The following C19orf38 variants were observed in gnomAD, a reference collection of about 807,000 sequenced individuals.
C19orf38 encodes chromosome 19 open reading frame 38, also known as protein HIDE1.
Under a neutral mutation model 26.6 loss-of-function variants are expected in C19orf38, and 14 were observed. That is an observed-to-expected ratio of 0.53 (90% CI 0.35 to 0.82). The LOEUF is 0.82. Among genes scored for constraint, C19orf38 ranks in the 40% least tolerant of loss-of-function variants. The pLI, the probability that C19orf38 is intolerant of heterozygous loss-of-function variation, is 0.01. For synonymous variants in C19orf38, 132 were observed against 128.5 expected (o/e 1.03, Z -0.18); for missense variants, 261 against 299.5 (o/e 0.87, Z 0.95).
intron 6 of C19orf38, among the ~76,000 whole-genome samples, chr19:10,865,716 CCATT>C (rs2073745050): frequency 6.6e-6 from 1 of 152,184 alleles, no homozygotes; most frequent in Non-Finnish European, 1.5e-5. Context: ...GCCTCTTCAT[CCATT>C]GGTATTCCTT....
intron 2 of C19orf38, among the ~76,000 whole-genome samples, chr19:10,852,911 A>G (rs2146256488): frequency 6.6e-6 from 1 of 151,964 alleles, no homozygotes; most frequent in South Asian, 2.1e-4. Flanking sequence ...CTGTGTTACC[A>G]TCAGTCAGAA....
chr19:10,838,860 A>T (rs1022920864), intron 1 of C19orf38, among the ~76,000 whole-genome samples: 2 of 151,734 alleles, frequency 1.3e-5, no homozygotes, highest in Non-Finnish European at 2.9e-5. Context: ...ATCTTTTATT[A>T]TGCAGCCGGG....
chr19:10,859,891 A>T, intron 4 of C19orf38, 24 bp from the exon 5 acceptor site: 1 of 1,550,640 alleles, frequency 6.4e-7, no homozygotes, highest in South Asian at 1.2e-5. Context: ...GATCCCTGTC[A>T]CTTTCTCCTG....
intron 3 of C19orf38, among the ~76,000 whole-genome samples, chr19:10,857,485 C>T (rs1376382793): frequency 6.7e-6 from 1 of 148,198 alleles, no homozygotes; most frequent in Non-Finnish European, 1.5e-5. Flanking sequence ...ACAATCTCGA[C>T]TCAGTGCAAC....
rs1269452522 is a variant in C19orf38 at position 10,869,600 on chromosome 19, A to G, written c.*233A>G. Reference sequence around the variant, plus strand: ...CCCTCTCGACCTTCGGCTCCTCAGGACCACCAGAGAAGGAGATGTCAGGAC... The same window carrying G: ...CCCTCTCGACCTTCGGCTCCTCAGGGCCACCAGAGAAGGAGATGTCAGGAC... On this transcript the variant is annotated 3_prime_UTR_variant, in exon 7 of 7. Coordinates refer to ENST00000397820, the MANE Select transcript of C19orf38 (RefSeq NM_001136482.3). 4 of 551,758 alleles carry G rather than the reference A, an allele frequency of 7.2e-6. No homozygotes were observed. The highest frequency in any genetic ancestry group is 2.9e-5 in the South Asian group (1 of 34,128). 34.2% of individuals were successfully genotyped at this position (551,758 alleles called of 1,614,324 possible). A position where few individuals can be genotyped will look rare whatever the true frequency, so the allele number is the denominator to read the frequency against.
chr19:10,859,362 ATATATATATATATATATATATATTT>A (rs1568337574), intron 4 of C19orf38, among the ~76,000 whole-genome samples: 1 of 37,674 alleles, frequency 2.7e-5, no homozygotes, highest in Admixed American at 2.7e-4. Context: ...ATATATATAT[ATATATATATATATATATATATATTT>A]TTTTTTTTTT....
chr19:10,842,373 G>A, intron 1 of C19orf38: 1 of 534,206 alleles, frequency 1.9e-6, no homozygotes, highest in Non-Finnish European at 3.4e-6. Flanking sequence ...CCATTCTCCT[G>A]CCTCAGCCTC....
chr19:10,836,942 T>C (rs2073436473), intron 1 of C19orf38, among the ~76,000 whole-genome samples: 2 of 152,104 alleles, frequency 1.3e-5, no homozygotes, highest in Non-Finnish European at 2.9e-5. Flanking sequence ...AATAGAGCCA[T>C]TACAGTAGCC....
In C19orf38 at chr19:10,869,472, C is replaced by T; in HGVS notation, c.*105C>T. On this transcript the variant is annotated 3_prime_UTR_variant, in exon 7 of 7. Transcript: ENST00000397820. ...TCAGCCACTTTCTCAGGGAATTGGA[C>T]AGAGGAAAGGAAGGGGAACCCTGGC... The T allele has an allele frequency of 1.4e-6, 2 of 1,387,474 alleles. No homozygotes were observed. Among genetic ancestry groups the T allele is most frequent in the Non-Finnish European group, 1.9e-6 (2 of 1,050,568 alleles). 85.9% of individuals were successfully genotyped at this position (1,387,474 alleles called of 1,614,324 possible). A position where few individuals can be genotyped will look rare whatever the true frequency, so the allele number is the denominator to read the frequency against.
At chr19:10,853,564 G>T (rs1344486765) in intron 2 of C19orf38, among the ~76,000 whole-genome samples, 1 of 151,022 alleles carries the variant, frequency 6.6e-6, no homozygotes, top group Non-Finnish European at 1.5e-5. Context: ...GGAATTACAG[G>T]CGTGAGCCAC....
chr19:10,840,108 G>A (rs2073468234), intron 1 of C19orf38, among the ~76,000 whole-genome samples: 1 of 152,162 alleles, frequency 6.6e-6, no homozygotes, highest in East Asian at 1.9e-4. Flanking sequence ...CTGTTAACAT[G>A]TATGTATGTG....
intron 6 of C19orf38, among the ~76,000 whole-genome samples, chr19:10,864,072 T>C (rs974470015): frequency 7.2e-5 from 11 of 152,092 alleles, no homozygotes; most frequent in African/African-American, 2.7e-4. Flanking sequence ...GGGATTTGTT[T>C]TTTTTCAAGA....
chr19:10,862,189 C>T (rs961988994), intron 5 of C19orf38, among the ~76,000 whole-genome samples: 19 of 150,422 alleles, frequency 1.3e-4, no homozygotes, highest in African/African-American at 3.9e-4. Context: ...CATGAGCCAC[C>T]GCGCCCAGCC....
rs1164758390 is a variant in C19orf38, at chr19:10,869,441, G to T, written c.*74G>T. 6.9e-7 allele frequency: 1 copy of T among 1,446,946 alleles called. No individual in the cohort carries two copies. Among genetic ancestry groups the T allele is most frequent in the Non-Finnish European group, 9.2e-7 (1 of 1,092,590 alleles). 89.6% of individuals were successfully genotyped at this position (1,446,946 alleles called of 1,614,324 possible). On this transcript the variant is annotated 3_prime_UTR_variant, in exon 7 of 7. Transcript: ENST00000397820. ...GGTCCCTCCAGCTACTTCTGGGGGG[G>T]CTCTGTCAGCCACTTTCTCAGGGAA...
chr19:10,844,268 G>A (rs1453543775), upstream of C19orf38, among the ~76,000 whole-genome samples: 1 of 151,236 alleles, frequency 6.6e-6, no homozygotes, highest in African/African-American at 2.4e-5. Flanking sequence ...AGCCAGGCAT[G>A]GTGGCACACG....
Position 10,859,975 on chromosome 19 carries a change from T to A in C19orf38, c.505+17T>A, listed in dbSNP as rs1568337970. On this transcript the variant is annotated intron_variant, in intron 5 of 6. Transcript: ENST00000397820. ...ACAGCACAGGTCTGTGCCTCCACAC[T>A]CCTGACTCCAGTGGGGAAAGGATTA... 6.5e-7 allele frequency: 1 copy of A among 1,548,914 alleles called. No homozygotes were observed. Among genetic ancestry groups the A allele is most frequent in the Admixed American group, 2.0e-5 (1 of 50,976 alleles).
At chr19:10,856,535 G>C (rs1316331135) in intron 3 of C19orf38, among the ~76,000 whole-genome samples, 178 bp downstream of exon 3, 1 of 151,958 alleles carries the variant, frequency 6.6e-6, no homozygotes, top group Non-Finnish European at 1.5e-5. Flanking sequence ...ACAGAGGCTC[G>C]CTCTGTCGCC....
intron 6 of C19orf38, among the ~76,000 whole-genome samples, chr19:10,864,438 C>G (rs965268510): frequency 1.3e-5 from 2 of 152,074 alleles, no homozygotes; most frequent in Non-Finnish European, 1.5e-5. Flanking sequence ...GCTGAGGACA[C>G]ATTTTTGGCA....
Position 10,869,755 on chromosome 19 carries a change from G to C in C19orf38, c.*388G>C, listed in dbSNP as rs1056528756. 1 of 196,070 alleles carries C rather than the reference G, an allele frequency of 5.1e-6. No individual in the cohort carries two copies. Among genetic ancestry groups the C allele is most frequent in the Non-Finnish European group, 1.0e-5 (1 of 97,880 alleles). 12.1% of individuals were successfully genotyped at this position (196,070 alleles called of 1,614,324 possible). On this transcript the variant is annotated 3_prime_UTR_variant, in exon 7 of 7. Transcript: ENST00000397820. The stretch of plus-strand genomic sequence containing the variant: ...GTGTTGTGTGTCTGCCTGCTGGCTT[G>C]CTTAAGTTATTAATTATAACACGGG...
Sources: allele counts gnomAD v4.1 joint callset (sites outside exome capture counted in the v4.1 genomes callset), GRCh38; gene constraint gnomAD v4.1.1; transcripts MANE v1.5; gene names NCBI Gene and HGNC (gene_info 2026-07-23, HGNC 2026-07-21).